NGEF: variants seen among roughly 807,000 people sequenced by gnomAD.
NGEF encodes the protein neuronal guanine nucleotide exchange factor.
In NGEF, 31 loss-of-function variants were observed where a neutral mutation model predicts 80.9. The ratio of observed to expected loss-of-function variants is 0.38; its 90% CI spans 0.29 to 0.52. The LOEUF is 0.52. Among genes scored for constraint, NGEF ranks in the 20% least tolerant of loss-of-function variants. The pLI, the probability that NGEF is intolerant of heterozygous loss-of-function variation, is 0.84. For missense variants in NGEF, 709 were observed against 926.2 expected (o/e 0.77, Z 3.04); for synonymous variants, 371 against 370.2 (o/e 1.00, Z -0.03).
At chr2:232,958,663 G>C (rs138113839) in intron 3 of NGEF, among the ~76,000 whole-genome samples, 54 of 152,222 alleles carry the variant, frequency 3.5e-4, no homozygotes, top group Admixed American at 1.0e-3. Flanking sequence ...AACTGGGTGG[G>C]CAAGACTGAA....
In NGEF at chr2:232,891,329, G is replaced by A. The variant is rs781174389; in HGVS notation, c.1272+29C>T. The A allele has an allele frequency of 2.9e-5, 47 of 1,611,712 alleles. No individual in the cohort carries two copies. The Admixed American group carries it at 6.5e-4, about 22-fold the overall frequency. ...ACCACAGCAAAGCCTGGGAAGCCCC[G>A]TCTGTGGGTCAGGTGGAGGAGGCTG... is the stretch of plus-strand genomic sequence containing the variant. On this transcript the variant is annotated intron_variant, in intron 8 of 14. Transcript: ENST00000264051.
chr2:232,906,595 T>C, intron 5 of NGEF, among the ~76,000 whole-genome samples: 1 of 54,666 alleles, frequency 1.8e-5, no homozygotes, highest in African/African-American at 6.1e-5. Flanking sequence ...CCACCCCTAC[T>C]GGGAAGTGAG....
At position 232,970,234 on chromosome 2, in the gene NGEF, G is replaced by T. The variant is rs1028768585; in HGVS notation, c.363C>A (p.Asp121Glu). 6.3e-7 allele frequency: 1 copy of T among 1,593,170 alleles called. No individual in the cohort carries two copies. ...CTTACCTCATTTCCTGGGCTCCTGG[G>T]TCTGTCTGCATTGCTGTTCTGCAAG... is the stretch of plus-strand genomic sequence containing the variant. ...MPPCRTAMQTDPGAQEMSESS... is the reference protein window; with the variant it reads ...MPPCRTAMQTEPGAQEMSESS... The change falls in exon 3 of 15, where the codon GAC (aspartate) becomes GAA (glutamate). Residue 121 changes from aspartate to glutamate, a missense_variant. This residue lies in a region of NGEF where 283 missense variants were observed against 303.4 expected (regional missense o/e 0.93). Transcript: ENST00000264051.
At chr2:232,939,869 C>T (rs936604480) in intron 3 of NGEF, among the ~76,000 whole-genome samples, 10 of 151,978 alleles carry the variant, frequency 6.6e-5, no homozygotes, top group African/African-American at 2.2e-4. Context: ...TGGTGCTGCA[C>T]GCCTGTACTC....
rs1243008218 is a variant in NGEF, at chr2:232,906,558, C to G, written c.829-11642G>C. ...CCCCCGCCCGGTCAGCCGCCCCGTC[C>G]GGGAGGTGAGGGGCACCTCCCTCCG... On this transcript the variant is annotated intron_variant, in intron 5 of 14. Transcript: ENST00000264051. Among the ~76,000 whole-genome samples, 3 of 51,584 alleles carry G rather than the reference C, an allele frequency of 5.8e-5. 1 individual carries two copies. Among genetic ancestry groups the G allele is most frequent in the Non-Finnish European group, 1.2e-4 (3 of 24,762 alleles). 33.8% of individuals were successfully genotyped at this position (51,584 alleles called of 152,430 possible).
chr2:232,902,949 G>A (rs1463330761), intron 5 of NGEF, among the ~76,000 whole-genome samples: 9 of 152,274 alleles, frequency 5.9e-5, no homozygotes, highest in South Asian at 2.1e-4. Context: ...AGCTGAGATC[G>A]CGCCACTGCA....
chr2:232,928,194 C>A, intron 3 of NGEF: 1 of 962,608 alleles, frequency 1.0e-6, no homozygotes, highest in Non-Finnish European at 1.2e-6. Context: ...GGGGTTGCCA[C>A]GGCAACGAGG....
rs545942960 is a variant in NGEF, at chr2:232,949,596, G to A, written c.383+20618C>T. The stretch of plus-strand genomic sequence containing the variant: ...GGGTTCAAGTGATTCTCCTGCCTCA[G>A]CCTCCCTAGTAGCTGGGATTACAGG... On this transcript the variant is annotated intron_variant, in intron 3 of 14. Coordinates refer to ENST00000264051, the MANE Select transcript of NGEF (RefSeq NM_019850.3). Among the ~76,000 whole-genome samples the A allele has an allele frequency of 2.0e-5, 3 of 151,580 alleles. No individual in the cohort carries two copies. In the East Asian group the frequency reaches 5.8e-4, roughly 29 times the overall value.
chr2:232,904,448 C>T (rs1470367366), intron 5 of NGEF, among the ~76,000 whole-genome samples: 2 of 152,148 alleles, frequency 1.3e-5, no homozygotes, highest in Non-Finnish European at 2.9e-5. Context: ...AGGCTGGTCT[C>T]GAACTCCTGA....
At chr2:232,958,210 A>G (rs1408639381) in intron 3 of NGEF, among the ~76,000 whole-genome samples, 3 of 152,106 alleles carry the variant, frequency 2.0e-5, no homozygotes, top group Admixed American at 6.6e-5. Flanking sequence ...TTGGTCTCCT[A>G]TATTACTAGG....
chr2:232,896,688 G>T (rs1574997560), intron 5 of NGEF, among the ~76,000 whole-genome samples: 10 of 31,116 alleles, frequency 3.2e-4, no homozygotes, highest in South Asian at 1.4e-3. Context: ...GGGTAGGGAT[G>T]GGGGTGGGGG....
At chr2:233,002,617 G>A (rs910314528) in intron 1 of NGEF, among the ~76,000 whole-genome samples, 2 of 152,182 alleles carry the variant, frequency 1.3e-5, no homozygotes, top group African/African-American at 4.8e-5. Flanking sequence ...GTTGCAGTGA[G>A]TTATGATCAC....
Position 232,880,238 on chromosome 2 carries a change from T to C in NGEF, c.1943-559A>G, listed in dbSNP as rs1415343319. Among the ~76,000 whole-genome samples, 9 of 152,204 alleles carry C rather than the reference T, an allele frequency of 5.9e-5. No homozygotes were observed. The South Asian group carries it at 1.7e-3, about 28-fold the overall frequency. On this transcript the variant is annotated intron_variant, in intron 14 of 14. Coordinates refer to ENST00000264051, the MANE Select transcript of NGEF (RefSeq NM_019850.3). ...ACTGGCAGCACGAGTAGTCTCAGCGTCAACTGGCTTCTCCCTGCGCTGTTT... is the reference window on the plus strand; with the variant it reads ...ACTGGCAGCACGAGTAGTCTCAGCGCCAACTGGCTTCTCCCTGCGCTGTTT...
intron 12 of NGEF, 92 bp downstream of exon 12, chr2:232,883,219 C>A (rs1691572047): frequency 6.9e-7 from 1 of 1,440,808 alleles, no homozygotes; most frequent in Non-Finnish European, 9.4e-7. Context: ...GTGTGTGGTG[C>A]CTTGTTCCAC....
intron 3 of NGEF, 129 bp downstream of exon 3, chr2:232,970,085 C>A: frequency 2.3e-6 from 1 of 437,904 alleles, no homozygotes; most frequent in Non-Finnish European, 4.0e-6. Context: ...ATTTTTTTAG[C>A]ACGGGCAACC....
intron 1 of NGEF, among the ~76,000 whole-genome samples, chr2:232,977,416 TG>T (rs1328048872): frequency 6.6e-6 from 1 of 152,120 alleles, no homozygotes; most frequent in East Asian, 1.9e-4. Flanking sequence ...GGTGCTGCTT[TG>T]GGGGCTGACG....
chr2:232,881,112 C>T, intron 14 of NGEF, 34 bp downstream of exon 14: 1 of 1,589,816 alleles, frequency 6.3e-7, no homozygotes, highest in Non-Finnish European at 8.6e-7. Flanking sequence ...GCAAGTTCCC[C>T]TGGGGGCCCC....
At chr2:232,985,170 T>C in intron 1 of NGEF, among the ~76,000 whole-genome samples, 1 of 152,202 alleles carries the variant, frequency 6.6e-6, no homozygotes, top group African/African-American at 2.4e-5. Flanking sequence ...TATAGGGAGT[T>C]CTGGAATTTG....
chr2:232,995,044 T>C lies in NGEF; in HGVS notation c.-75+18024A>G, dbSNP rs1463024126. ...GTATACTGTATATATGTACAGTATG[T>C]ATACTGTATATATGTACAGTATGTA... is the stretch of plus-strand genomic sequence containing the variant. On this transcript the variant is annotated intron_variant, in intron 1 of 14. Coordinates refer to ENST00000264051, the MANE Select transcript of NGEF (RefSeq NM_019850.3). Among the ~76,000 whole-genome samples the C allele has an allele frequency of 2.0e-4, 25 of 123,744 alleles. 4 individuals are homozygous for C. Among genetic ancestry groups the C allele is most frequent in the African/African-American group, 6.1e-4 (10 of 16,306 alleles). 81.2% of individuals were successfully genotyped at this position (123,744 alleles called of 152,430 possible). A position where few individuals can be genotyped will look rare whatever the true frequency, so the allele number is the denominator to read the frequency against.
Sources: allele counts gnomAD v4.1 joint callset (sites outside exome capture counted in the v4.1 genomes callset), GRCh38; gene constraint gnomAD v4.1.1; regional missense constraint gnomAD v4.1.1; transcripts MANE v1.5; gene names NCBI Gene and HGNC (gene_info 2026-07-23, HGNC 2026-07-21).